The following PEX14 variants were observed in gnomAD, a reference collection of about 807,000 sequenced individuals.
PEX14 encodes peroxisomal membrane protein PEX14.
In PEX14, 15 loss-of-function variants were observed where a neutral mutation model predicts 49.5. That is an observed-to-expected ratio of 0.30 (90% CI 0.20 to 0.47). The LOEUF is 0.47. Among genes scored for constraint, PEX14 ranks in the 20% least tolerant of loss-of-function variants. The pLI is 1.00. For synonymous variants in PEX14, 210 were observed against 212.7 expected (o/e 0.99, Z 0.11); for missense variants, 398 against 494.8 (o/e 0.80, Z 1.86).
rs780458183 is a variant in PEX14 at position 10,628,097 on chromosome 1, G to A, written c.677+734G>A. 1.3e-5 allele frequency among the ~76,000 whole-genome samples: 2 copies of A among 152,026 alleles called. No homozygotes were observed. Among genetic ancestry groups the A allele is most frequent in the Non-Finnish European group, 2.9e-5 (2 of 68,006 alleles). ...ATTACAGGCGCCCGCCACCACTCCC[G>A]GCTAATTTTTGTATTTTTAGTAGAG... On this transcript the variant is annotated intron_variant, in intron 8 of 8. Transcript: ENST00000356607. This position sits in a 1 kb window ranked among gnomAD's most constrained non-coding sequence, Gnocchi z 4.5.
chr1:10,538,386 A>C (rs530711326), intron 3 of PEX14, among the ~76,000 whole-genome samples: 3 of 152,220 alleles, frequency 2.0e-5, no homozygotes, highest in Non-Finnish European at 4.4e-5. Context: ...TGGCACCTTG[A>C]GATGCTATCC....
intron 1 of PEX14, among the ~76,000 whole-genome samples, chr1:10,492,018 A>C (rs1228736170): frequency 6.6e-6 from 1 of 152,150 alleles, no homozygotes; most frequent in Non-Finnish European, 1.5e-5. Flanking sequence ...TATCCTTGGC[A>C]GAATATATAA....
intron 1 of PEX14, among the ~76,000 whole-genome samples, chr1:10,486,993 T>A (rs1160477713): frequency 2.6e-5 from 4 of 152,072 alleles, no homozygotes; most frequent in African/African-American, 9.7e-5. Flanking sequence ...AGCCTGAGGC[T>A]CTGTCTCTTA....
intron 3 of PEX14, among the ~76,000 whole-genome samples, chr1:10,548,393 A>G (rs1029097835): frequency 2.0e-5 from 3 of 152,246 alleles, no homozygotes; most frequent in African/African-American, 7.2e-5. Flanking sequence ...AGAAGCAGGG[A>G]TTTTTGAAAC....
chr1:10,497,268 C>T (rs375225354), intron 2 of PEX14, among the ~76,000 whole-genome samples: 1 of 152,094 alleles, frequency 6.6e-6, no homozygotes. Flanking sequence ...CAGAGGAGCC[C>T]GCTGAGGACT....
chr1:10,487,629 C>T lies in PEX14; in HGVS notation c.37-7645C>T, dbSNP rs181888219. ...CCTCCCAAGTATCTGGGACTACAGG[C>T]GTGCGCCACCACACCAAGCTAATTT... On this transcript the variant is annotated intron_variant, in intron 1 of 8. Transcript: ENST00000356607. Among the ~76,000 whole-genome samples the T allele has an allele frequency of 8.1e-4, 123 of 151,654 alleles. 1 individual carries two copies. Among genetic ancestry groups the T allele is most frequent in the African/African-American group, 2.7e-3 (112 of 41,328 alleles).
chr1:10,558,819 G>A (rs1332647922), intron 3 of PEX14, among the ~76,000 whole-genome samples: 1 of 151,834 alleles, frequency 6.6e-6, no homozygotes, highest in East Asian at 1.9e-4. Context: ...TTCCATCCAC[G>A]GATGTGGGGT....
intron 4 of PEX14, among the ~76,000 whole-genome samples, chr1:10,605,574 G>A (rs1033069041): frequency 6.6e-6 from 1 of 152,246 alleles, no homozygotes; most frequent in Non-Finnish European, 1.5e-5. Context: ...AGAGGGAACA[G>A]CAAAGGCCCG....
At chr1:10,571,087 G>C (rs1320870437) in intron 3 of PEX14, among the ~76,000 whole-genome samples, 1 of 148,354 alleles carries the variant, frequency 6.7e-6, no homozygotes, top group Non-Finnish European at 1.5e-5. Context: ...GAACATCTGG[G>C]CTCAGGCAGT....
At chr1:10,525,000 T>C (rs1339378515) in intron 2 of PEX14, among the ~76,000 whole-genome samples, 2 of 152,218 alleles carry the variant, frequency 1.3e-5, no homozygotes, top group African/African-American at 4.8e-5. Flanking sequence ...GGATCATTTA[T>C]TTTTTAAAGT....
intron 2 of PEX14, among the ~76,000 whole-genome samples, chr1:10,534,493 C>T (rs1638741570): frequency 6.6e-6 from 1 of 151,952 alleles, no homozygotes; most frequent in African/African-American, 2.4e-5. Flanking sequence ...TTCCTTCTTC[C>T]CTTCTCCTAT....
At chr1:10,603,366 T>C (rs555706543) in intron 4 of PEX14, among the ~76,000 whole-genome samples, 12 of 152,272 alleles carry the variant, frequency 7.9e-5, no homozygotes, top group African/African-American at 2.6e-4. Context: ...CAAAATTAAT[T>C]ATACAGACAA....
chr1:10,585,236 T>C (rs1467460746), intron 3 of PEX14, among the ~76,000 whole-genome samples: 3 of 152,138 alleles, frequency 2.0e-5, no homozygotes, highest in Non-Finnish European at 4.4e-5. Context: ...TCCGAGCTAT[T>C]TATTAACTCT....
At chr1:10,524,648 C>G (rs990640371) in intron 2 of PEX14, among the ~76,000 whole-genome samples, 3 of 152,132 alleles carry the variant, frequency 2.0e-5, no homozygotes, top group Non-Finnish European at 2.9e-5. Flanking sequence ...CAAGATGGCT[C>G]TGGTGCTCAG....
At chr1:10,605,458 C>T (rs1224845605) in intron 4 of PEX14, among the ~76,000 whole-genome samples, 3 of 152,198 alleles carry the variant, frequency 2.0e-5, no homozygotes, top group African/African-American at 4.8e-5. Flanking sequence ...ATTCCCAGAA[C>T]GCTAGTCTTA....
chr1:10,609,666 C>G (rs1483621721), intron 4 of PEX14, among the ~76,000 whole-genome samples: 1 of 152,140 alleles, frequency 6.6e-6, no homozygotes, highest in African/African-American at 2.4e-5. Context: ...GGGCGGATCA[C>G]CTGAGGTCAG....
chr1:10,606,067 A>T (rs1408305522), intron 4 of PEX14, among the ~76,000 whole-genome samples: 1 of 152,202 alleles, frequency 6.6e-6, no homozygotes, highest in African/African-American at 2.4e-5. Flanking sequence ...GGCTGTGCTG[A>T]CAGTGTGTTA....
rs1641828246 is a variant in PEX14 at position 10,628,953 on chromosome 1, C to T, written c.678-578C>T. ...ACGGAGTACGGAGCAGAAGGGAGAGCTGCCTCTTCTGCGTTGAAAGTGTTG... is the reference window on the plus strand; with the variant it reads ...ACGGAGTACGGAGCAGAAGGGAGAGTTGCCTCTTCTGCGTTGAAAGTGTTG... On this transcript the variant is annotated intron_variant, in intron 8 of 8. Transcript: ENST00000356607. This position sits in a 1 kb window ranked among gnomAD's most constrained non-coding sequence, Gnocchi z 4.5. Among the ~76,000 whole-genome samples the T allele has an allele frequency of 6.6e-6, 1 of 152,222 alleles. No homozygotes were observed. Among genetic ancestry groups the T allele is most frequent in the Admixed American group, 6.5e-5 (1 of 15,288 alleles).
intron 3 of PEX14, among the ~76,000 whole-genome samples, chr1:10,568,719 T>G (rs1557849767): frequency 6.6e-6 from 1 of 152,170 alleles, no homozygotes. Flanking sequence ...TTGGAAAAAT[T>G]AAGGTAGAGT....
Sources: allele counts gnomAD v4.1 joint callset (sites outside exome capture counted in the v4.1 genomes callset), GRCh38; gene constraint gnomAD v4.1.1; non-coding constraint Gnocchi (gnomAD v3.1); transcripts MANE v1.5; gene names NCBI Gene and HGNC (gene_info 2026-07-23, HGNC 2026-07-21).